Variants in MEF2A observed in about 807,000 individuals in gnomAD.
The protein encoded by MEF2A is myocyte enhancer factor 2A.
MEF2A carries 28 observed loss-of-function variants against 55.8 expected under a neutral mutation model. The observed-to-expected ratio is 0.50, with a 90% CI of 0.37 to 0.69. The LOEUF is 0.69. Ranked by LOEUF, MEF2A falls within the 30% of genes least tolerant of loss-of-function variation. The pLI, the probability that MEF2A is intolerant of heterozygous loss-of-function variation, is 0.00. For synonymous variants in MEF2A, 239 were observed against 227.1 expected, an observed-to-expected ratio of 1.05 and a Z score of -0.47; for missense variants, 528 against 626.2, an observed-to-expected ratio of 0.84 and a Z score of 1.67.
intron 4 of MEF2A, among the ~76,000 whole-genome samples, chr15:99,653,572 TG>T (rs2047203993): frequency 6.6e-6 from 1 of 152,204 alleles, no homozygotes; most frequent in African/African-American, 2.4e-5. Context: ...TCACTGATTG[TG>T]TATGCTAAGG....
rs1300288383 is a variant in MEF2A, at chr15:99,603,543, TTG to T, written c.-143+5066_-143+5067del. Among the ~76,000 whole-genome samples the T allele has an allele frequency of 1.6e-3, 202 of 126,486 alleles. 1 individual carries two copies. Among genetic ancestry groups the T allele is most frequent in the African/African-American group, 3.0e-3 (104 of 34,360 alleles). 83.0% of individuals were successfully genotyped at this position (126,486 alleles called of 152,430 possible). On this transcript the variant is annotated intron_variant, in intron 2 of 11. Transcript: ENST00000557942. ...ATGCAGCCATCACACCTGGCTGATT[TTG>T]TGTGTGTGTGTGTGTGTGTGTGTGT... is the stretch of plus-strand genomic sequence containing the variant.
At chr15:99,647,467 G>C (rs1052617844) in intron 4 of MEF2A, among the ~76,000 whole-genome samples, 2 of 152,134 alleles carry the variant, frequency 1.3e-5, no homozygotes, top group African/African-American at 4.8e-5. Flanking sequence ...TGCAGCAGTT[G>C]TTATTCTTGG....
chr15:99,668,289 C>T (rs2050181375), intron 4 of MEF2A, among the ~76,000 whole-genome samples: 1 of 152,134 alleles, frequency 6.6e-6, no homozygotes, highest in African/African-American at 2.4e-5. Context: ...CAGGGTGTAT[C>T]ATCGGCTTAA....
At chr15:99,654,448 A>G (rs1215077912) in intron 4 of MEF2A, among the ~76,000 whole-genome samples, 3 of 152,062 alleles carry the variant, frequency 2.0e-5, no homozygotes, top group South Asian at 4.1e-4. Context: ...TTTGAGAACT[A>G]TAGGTTGCTT....
At position 99,713,765 on chromosome 15, in the gene MEF2A, AT is replaced by A. The variant is rs1419435953; in HGVS notation, c.*995del. 1 of 152,034 alleles carries A rather than the reference AT, an allele frequency of 6.6e-6. No homozygotes were observed. The highest frequency in any genetic ancestry group is 1.5e-5 in the Non-Finnish European group (1 of 67,966). 9.4% of individuals were successfully genotyped at this position (152,034 alleles called of 1,614,324 possible). ...TTTATTTTAAGAGGGGAAAACAAAA[AT>A]ATCTTGCAAGCAGAACCTTGGAAAA... On this transcript the variant is annotated 3_prime_UTR_variant, in exon 12 of 12. Transcript: ENST00000557942.
intron 4 of MEF2A, among the ~76,000 whole-genome samples, chr15:99,652,814 A>G (rs2047071234): frequency 6.6e-6 from 1 of 152,206 alleles, no homozygotes; most frequent in Non-Finnish European, 1.5e-5. Flanking sequence ...AGAGGTAAAA[A>G]TATTGAATGT....
At chr15:99,577,925 T>C (rs768372115) in intron 1 of MEF2A, among the ~76,000 whole-genome samples, 16 of 152,246 alleles carry the variant, frequency 1.1e-4, no homozygotes, top group Non-Finnish European at 2.1e-4. Context: ...AATGGTATCA[T>C]ATCAGGAGGT....
At position 99,680,879 on chromosome 15, in the gene MEF2A, ATTTC is replaced by A. The variant is rs1394667806; in HGVS notation, c.670+5425_670+5428del. Among the ~76,000 whole-genome samples, 11 of 152,276 alleles carry A rather than the reference ATTTC, an allele frequency of 7.2e-5. 1 individual carries two copies. The highest frequency in any genetic ancestry group is 1.9e-4 in the East Asian group (1 of 5,192). On this transcript the variant is annotated intron_variant, in intron 7 of 11. Transcript: ENST00000557942. The stretch of plus-strand genomic sequence containing the variant: ...CATCTTTATTGTAGTAAATTAGAAT[ATTTC>A]TTTATTTATTACTTATAACTTGTTT...
chr15:99,645,547 T>A lies in MEF2A; in HGVS notation c.55-14T>A. The A allele has an allele frequency of 2.5e-6, 4 of 1,588,596 alleles. No homozygotes were observed. Among genetic ancestry groups the A allele is most frequent in the Non-Finnish European group, 3.4e-6 (4 of 1,160,468 alleles). Reference sequence around the variant, plus strand: ...TAATGCTTTTAATAAAAATATACCTTTTTTATTGTTTAGGTCACTTTTACA... The same window carrying A: ...TAATGCTTTTAATAAAAATATACCTATTTTATTGTTTAGGTCACTTTTACA... On this transcript the variant is annotated splice_polypyrimidine_tract_variant and intron_variant, in intron 3 of 11. Transcript: ENST00000557942.
At chr15:99,626,310 G>A (rs2042044382) in intron 2 of MEF2A, among the ~76,000 whole-genome samples, 1 of 151,944 alleles carries the variant, frequency 6.6e-6, no homozygotes, top group Admixed American at 6.5e-5. Flanking sequence ...AAGTTGTAAT[G>A]CCCCCACTTT....
In MEF2A at chr15:99,632,924, A is replaced by C. The variant is rs977487152; in HGVS notation, c.-142-54A>C. 8.3e-6 allele frequency: 4 copies of C among 483,946 alleles called. No homozygotes were observed. The Admixed American group carries it at 1.2e-4, about 14-fold the overall frequency. The allele number at this position is 483,946 out of a possible 1,614,324, so 30.0% of individuals were successfully genotyped here. A position where few individuals can be genotyped will look rare whatever the true frequency, so the allele number is the denominator to read the frequency against. On this transcript the variant is annotated intron_variant, in intron 2 of 11. Transcript: ENST00000557942. The stretch of plus-strand genomic sequence containing the variant: ...CAAATTTGAAATTTGTATAACACTT[A>C]CATGATTTGTAAACTTACAGATTTT...
At chr15:99,640,189 T>C (rs1197802465) in intron 3 of MEF2A, among the ~76,000 whole-genome samples, 1 of 152,250 alleles carries the variant, frequency 6.6e-6, no homozygotes, top group Non-Finnish European at 1.5e-5. Flanking sequence ...ATTGTTGTGT[T>C]CTAACCTTCC....
intron 2 of MEF2A, among the ~76,000 whole-genome samples, chr15:99,620,399 C>T (rs2040943049): frequency 6.6e-6 from 1 of 152,174 alleles, no homozygotes. Flanking sequence ...TGTCTATATA[C>T]ACTCAATGTT....
At chr15:99,601,768 A>C (rs555501095) in intron 2 of MEF2A, among the ~76,000 whole-genome samples, 1 of 151,664 alleles carries the variant, frequency 6.6e-6, no homozygotes, top group Non-Finnish European at 1.5e-5. Flanking sequence ...TAAAAAGTCT[A>C]CATTCATAGA....
At chr15:99,604,021 A>T (rs1028400073) in intron 2 of MEF2A, among the ~76,000 whole-genome samples, 1 of 152,180 alleles carries the variant, frequency 6.6e-6, no homozygotes, top group African/African-American at 2.4e-5. Context: ...AATAGTTTGC[A>T]TAGTTTCTGA....
intron 8 of MEF2A, among the ~76,000 whole-genome samples, chr15:99,694,135 CTG>C (rs917732672): frequency 1.3e-5 from 2 of 152,210 alleles, no homozygotes; most frequent in African/African-American, 4.8e-5. Flanking sequence ...CTCCTCTTGA[CTG>C]TGAGAGTTTC....
At chr15:99,608,485 G>A (rs1040632916) in intron 2 of MEF2A, among the ~76,000 whole-genome samples, 2 of 152,276 alleles carry the variant, frequency 1.3e-5, no homozygotes, top group East Asian at 3.9e-4. Flanking sequence ...AAAATAGAAA[G>A]ATGCCATCTT....
rs76386929 is a variant in MEF2A at position 99,662,879 on chromosome 15, C to T, written c.259-8444C>T. On this transcript the variant is annotated intron_variant, in intron 4 of 11. Transcript: ENST00000557942. ...TGGAGCATGTACTGCTCAGCTGTGT[C>T]ATAGCAATGAGATTTAAGGTGGGTG... Among the ~76,000 whole-genome samples, 56 of 152,306 alleles carry T rather than the reference C, an allele frequency of 3.7e-4. No individual in the cohort carries two copies. The East Asian group carries it at 0.01, about 28-fold the overall frequency.
chr15:99,569,649 G>A (rs1047772078), intron 1 of MEF2A, among the ~76,000 whole-genome samples: 4 of 152,174 alleles, frequency 2.6e-5, no homozygotes, highest in South Asian at 2.1e-4. Context: ...GACTGTGGGA[G>A]TGGTCTCTAA....
Sources: gnomAD v4.1 joint callset for allele counts (sites outside exome capture counted in the v4.1 genomes callset) on GRCh38, gnomAD v4.1.1 for gene constraint, MANE v1.5 for transcripts, NCBI Gene and HGNC (gene_info 2026-07-23, HGNC 2026-07-21) for gene names.